Variants in PDXK observed in about 807,000 individuals in gnomAD.
PDXK encodes the protein epididymis secretory sperm binding protein Li 1a.
A neutral mutation model predicts 43.2 loss-of-function variants in PDXK; 15 were observed. That is an observed-to-expected ratio of 0.35 (90% CI 0.23 to 0.53). The LOEUF is 0.53. PDXK is among the 20% of genes least tolerant of loss of function. The pLI, the probability that PDXK is intolerant of heterozygous loss-of-function variation, is 0.92. For synonymous variants in PDXK, 172 were observed against 165.4 expected (o/e 1.04, Z -0.31); for missense variants, 343 against 417.0 (o/e 0.82, Z 1.54).
chr21:43,744,651 C>T (rs910635036), intron 4 of PDXK: 9 of 152,220 alleles, frequency 5.9e-5, no homozygotes, highest in South Asian at 2.1e-4. Context: ...ATGCAGAAAC[C>T]CTCATGCACA....
chr21:43,761,611 T>C lies in PDXK; in HGVS notation c.*5548T>C, dbSNP rs3211247. On this transcript the variant is annotated 3_prime_UTR_variant, in exon 11 of 11. Coordinates refer to ENST00000291565, the MANE Select transcript of PDXK (RefSeq NM_003681.5). ...GTGGATGGAAGCGCCTTTGTCCTCATTTTGAGCTGCAAGCTGGGTCAGCGG... is the reference window on the plus strand; with the variant it reads ...GTGGATGGAAGCGCCTTTGTCCTCACTTTGAGCTGCAAGCTGGGTCAGCGG... 0.22 allele frequency: 32,869 copies of C among 152,368 alleles called. 3,831 individuals are homozygous for C. Among genetic ancestry groups the C allele is most frequent in the Non-Finnish European group, 0.24 (16,578 of 68,122 alleles). The allele number at this position is 152,368 out of a possible 1,614,324, so 9.4% of individuals were successfully genotyped here.
rs889035049 is a variant in PDXK, at chr21:43,756,669, T to C, written c.*606T>C. The C allele has an allele frequency of 1.3e-5, 2 of 152,630 alleles. No homozygotes were observed. The highest frequency in any genetic ancestry group is 4.8e-5 in the African/African-American group (2 of 41,442). The allele number at this position is 152,630 out of a possible 1,614,324, so 9.5% of individuals were successfully genotyped here. Reference sequence around the variant, plus strand: ...TATGGGAGGGTTGATGTGAGCTTGCTTGGAGACACACGGTGCAGCATCAGG... The same window carrying C: ...TATGGGAGGGTTGATGTGAGCTTGCCTGGAGACACACGGTGCAGCATCAGG... On this transcript the variant is annotated 3_prime_UTR_variant, in exon 11 of 11. Coordinates refer to ENST00000291565, the MANE Select transcript of PDXK (RefSeq NM_003681.5).
intron 8 of PDXK, among the ~76,000 whole-genome samples, chr21:43,752,914 C>T (rs1197035483): frequency 6.6e-6 from 1 of 152,132 alleles, no homozygotes; most frequent in African/African-American, 2.4e-5. Flanking sequence ...CGCGTCCACC[C>T]GGCTGTGCTG....
intron 1 of PDXK, among the ~76,000 whole-genome samples, chr21:43,721,533 CCAGGTGTCTGGGGGTCCCACCTCAAAG>C (rs1328340084): frequency 6.6e-6 from 1 of 152,222 alleles, no homozygotes; most frequent in Admixed American, 6.5e-5. Context: ...GGGGACTGAC[CCAGGTGTCTGGGGGTCCCACCTCAAAG>C]CAGGTGTCTC....
At chr21:43,733,949 TG>T in intron 1 of PDXK, 119 bp from the exon 2 acceptor site, 3 of 947,666 alleles carry the variant, frequency 3.2e-6, no homozygotes, top group East Asian at 2.4e-5. Context: ...AGCCTGCAGC[TG>T]GGGGCCCCGT....
At chr21:43,751,144 C>T (rs931286640) in intron 7 of PDXK, among the ~76,000 whole-genome samples, 14 of 152,220 alleles carry the variant, frequency 9.2e-5, no homozygotes, top group Non-Finnish European at 1.0e-4. Flanking sequence ...AGTCCTTTTT[C>T]TCCGGGACTT....
At chr21:43,733,049 C>CA (rs71197852) in intron 1 of PDXK, among the ~76,000 whole-genome samples, 1 of 151,948 alleles carries the variant, frequency 6.6e-6, no homozygotes, top group African/African-American at 2.4e-5. Flanking sequence ...CACCTGGCCG[C>CA]AAAAAAAGTT....
chr21:43,743,115 C>G (rs895304460), intron 3 of PDXK, among the ~76,000 whole-genome samples: 4 of 133,742 alleles, frequency 3.0e-5, no homozygotes, highest in African/African-American at 1.1e-4. Flanking sequence ...TCCCTCCCCC[C>G]GCTCTGAGCA....
At chr21:43,727,676 C>T (rs1342515350) in intron 1 of PDXK, among the ~76,000 whole-genome samples, 3 of 152,182 alleles carry the variant, frequency 2.0e-5, no homozygotes, top group East Asian at 1.9e-4. Flanking sequence ...TGCATGGGAG[C>T]GAGTTCCAAG....
At chr21:43,741,632 T>C (rs779998291) in intron 2 of PDXK, 35 bp from the exon 3 acceptor site, 6 of 1,601,246 alleles carry the variant, frequency 3.7e-6, no homozygotes, top group Non-Finnish European at 1.7e-6. Flanking sequence ...CTGGCCCCCT[T>C]GTGTCTGAGC....
At chr21:43,755,546 A>AGG (rs1312330927) in intron 9 of PDXK, 152 bp from the exon 10 acceptor site, 32 of 697,002 alleles carry the variant, frequency 4.6e-5, no homozygotes, top group South Asian at 4.6e-4. Flanking sequence ...CCTGTCCTCC[A>AGG]GGGTTCAGCA....
At chr21:43,755,517 C>T (rs1441245400) in intron 9 of PDXK, 181 bp from the exon 10 acceptor site, 15 of 619,346 alleles carry the variant, frequency 2.4e-5, no homozygotes, top group South Asian at 1.1e-4. Flanking sequence ...CCGGGCTCTC[C>T]GTGGTGGGCA....
chr21:43,744,868 G>T lies in PDXK; in HGVS notation c.331+1061G>T, dbSNP rs150494234. Among the ~76,000 whole-genome samples, 456 of 152,346 alleles carry T rather than the reference G, an allele frequency of 3.0e-3. 1 individual carries two copies. Among genetic ancestry groups the T allele is most frequent in the African/African-American group, 0.011 (446 of 41,572 alleles). Reference sequence around the variant, plus strand: ...CCAAATGTGGAAACAGGCTGTGTCTGTTGATGGGTGATAGACAAACAAAGT... The same window carrying T: ...CCAAATGTGGAAACAGGCTGTGTCTTTTGATGGGTGATAGACAAACAAAGT... On this transcript the variant is annotated intron_variant, in intron 4 of 10. Coordinates refer to ENST00000291565, the MANE Select transcript of PDXK (RefSeq NM_003681.5).
In PDXK at chr21:43,753,628, T is replaced by C. The variant is rs2083794663; in HGVS notation, c.668T>C (p.Ile223Thr). The C allele has an allele frequency of 6.2e-7, 1 of 1,613,586 alleles. No homozygotes were observed. The highest frequency in any genetic ancestry group is 8.5e-7 in the Non-Finnish European group (1 of 1,179,690). ...GTGATGGAACGCATCCGGATGGACA[T>C]TCGCAAAGTGGACGCCGTCTTTGTG... ...SVVMERIRMD[I>T]RKVDAVFVGT... Residue 223 changes from isoleucine to threonine, a missense_variant, in exon 9 of 11, where the codon ATT (isoleucine) becomes ACT (threonine). Transcript: ENST00000291565.
At chr21:43,741,605 G>GA in intron 2 of PDXK, 62 bp from the exon 3 acceptor site, 1 of 1,588,880 alleles carries the variant, frequency 6.3e-7, no homozygotes, top group Non-Finnish European at 8.6e-7. Flanking sequence ...GGTGTCAAGG[G>GA]AAGCCCACGG....
At chr21:43,722,226 T>C (rs1601777028) in intron 1 of PDXK, among the ~76,000 whole-genome samples, 1 of 152,318 alleles carries the variant, frequency 6.6e-6, no homozygotes, top group East Asian at 1.9e-4. Context: ...CTAGGACTGT[T>C]TCCTCTTGGG....
intron 1 of PDXK, among the ~76,000 whole-genome samples, chr21:43,733,266 C>CCCCCCCCCCCCCCCCCCCCCA (rs2083349124): frequency 9.7e-6 from 1 of 103,474 alleles, no homozygotes; most frequent in African/African-American, 3.5e-5. Context: ...CCCCCCCCCG[C>CCCCCCCCCCCCCCCCCCCCCA]CCCCCCCGCC....
In PDXK at chr21:43,755,731, C is replaced by T. The variant is rs765681397; in HGVS notation, c.793C>T (p.His265Tyr). The change falls in exon 10 of 11, where the codon CAC becomes TAC. Residue 265 changes from histidine (H) to tyrosine (Y), a missense_variant. Transcript: ENST00000291565. ...ACEKTVSTLH[H>Y]VLQRTIQCAK... is the part of the protein sequence containing the mutation. ...TGAGAAGACCGTGTCTACCTTGCAC[C>T]ACGTTCTGCAGAGGACCATCCAGTG... is the stretch of plus-strand genomic sequence containing the variant. The T allele has an allele frequency of 6.2e-7, 1 of 1,614,068 alleles. No individual in the cohort carries two copies. The highest frequency in any genetic ancestry group is 8.5e-7 in the Non-Finnish European group (1 of 1,179,952).
chr21:43,726,901 T>C lies in PDXK; in HGVS notation c.88-7168T>C, dbSNP rs547223208. ...TGTGCTTGTGTGTACATGGCATGCA[T>C]GTGTGCATGTGGGATGCATGTGTAT... On this transcript the variant is annotated intron_variant, in intron 1 of 10. Coordinates refer to ENST00000291565, the MANE Select transcript of PDXK (RefSeq NM_003681.5). Among the ~76,000 whole-genome samples the C allele has an allele frequency of 3.9e-5, 6 of 152,154 alleles. No homozygotes were observed. The East Asian group carries it at 1.2e-3, about 29-fold the overall frequency.
Sources: allele counts gnomAD v4.1 joint callset (sites outside exome capture counted in the v4.1 genomes callset), GRCh38; gene constraint gnomAD v4.1.1; transcripts MANE v1.5; gene names NCBI Gene and HGNC (gene_info 2026-07-23, HGNC 2026-07-21).